Variants in ANKFN1 observed in about 807,000 individuals in gnomAD.
The protein encoded by ANKFN1 is ankyrin repeat and fibronectin type III domain containing 1.
ANKFN1 carries 74 observed loss-of-function variants against 108.7 expected under a neutral mutation model. The ratio of observed to expected loss-of-function variants is 0.68; its 90% CI spans 0.56 to 0.83. The LOEUF is 0.83. Among genes scored for constraint, ANKFN1 ranks in the 40% least tolerant of loss-of-function variants. ANKFN1 has a pLI of 0.00. For synonymous variants in ANKFN1, 547 were observed against 516.2 expected, an observed-to-expected ratio of 1.06 and a Z score of -0.81; for missense variants, 1,505 against 1,382.3, an observed-to-expected ratio of 1.09 and a Z score of -1.41.
chr17:56,170,801 TATATATACACAC>T (rs1452119824), intron 1 of ANKFN1, among the ~76,000 whole-genome samples: 2 of 64,206 alleles, frequency 3.1e-5, no homozygotes, highest in Non-Finnish European at 7.0e-5. Context: ...TATATATATA[TATATATACACAC>T]ACACACACAC....
intron 8 of ANKFN1, among the ~76,000 whole-genome samples, chr17:56,429,909 G>A (rs536681083): frequency 1.3e-5 from 2 of 152,314 alleles, no homozygotes; most frequent in African/African-American, 4.8e-5. Context: ...AGTTGAAAAT[G>A]CATGCACGTA....
chr17:56,215,195 A>G (rs1404299223), intron 2 of ANKFN1, among the ~76,000 whole-genome samples: 1 of 152,172 alleles, frequency 6.6e-6, no homozygotes, highest in African/African-American at 2.4e-5. Context: ...CTGACTGGGG[A>G]TGATCCTGGA....
rs1200334371 is a variant in ANKFN1 at position 56,513,109 on chromosome 17, C to CA, written c.*1841dup. ...AGAGGTTAAGTAACATGCTCAAGGT[C>CA]ACGGAGCTGGTTTAGTCTCAGAGTT... is the stretch of plus-strand genomic sequence containing the variant. On this transcript the variant is annotated 3_prime_UTR_variant, in exon 21 of 21. Coordinates refer to ENST00000682825, the MANE Select transcript of ANKFN1 (RefSeq NM_001370326.1). 1.3e-5 allele frequency among the ~76,000 whole-genome samples: 2 copies of CA among 152,192 alleles called. No individual in the cohort carries two copies. Among genetic ancestry groups the CA allele is most frequent in the Non-Finnish European group, 2.9e-5 (2 of 68,040 alleles).
intron 3 of ANKFN1, among the ~76,000 whole-genome samples, chr17:56,279,134 C>T (rs994664056): frequency 5.9e-5 from 9 of 152,164 alleles, no homozygotes; most frequent in African/African-American, 2.2e-4. Context: ...AGTGTAGCCT[C>T]TGCCTTTGAG....
At chr17:56,284,857 T>G (rs1423272725) in intron 3 of ANKFN1, among the ~76,000 whole-genome samples, 1 of 152,124 alleles carries the variant, frequency 6.6e-6, no homozygotes, top group Non-Finnish European at 1.5e-5. Flanking sequence ...ATTAGTTCAT[T>G]GAGCACAGCC....
intron 1 of ANKFN1, among the ~76,000 whole-genome samples, chr17:56,172,994 A>AGAGGGCAGGCT (rs1444563755): frequency 6.6e-6 from 1 of 152,248 alleles, no homozygotes; most frequent in Non-Finnish European, 1.5e-5. Context: ...ACAAGGTCCT[A>AGAGGGCAGGCT]GAGGGCAGGC....
At chr17:56,476,062 C>A (rs771705384) in intron 15 of ANKFN1, among the ~76,000 whole-genome samples, 4 of 152,178 alleles carry the variant, frequency 2.6e-5, no homozygotes, top group Non-Finnish European at 5.9e-5. Flanking sequence ...AAGTGCCACA[C>A]ACTTTTAAAC....
chr17:56,479,770 C>T (rs1306389444), intron 16 of ANKFN1, among the ~76,000 whole-genome samples: 1 of 152,210 alleles, frequency 6.6e-6, no homozygotes, highest in African/African-American at 2.4e-5. Flanking sequence ...CCTCTCTTTC[C>T]ATCCCCTGAG....
At chr17:56,101,381 A>G (rs780646921) in intron 4 of ANKFN1, among the ~76,000 whole-genome samples, 2 of 152,190 alleles carry the variant, frequency 1.3e-5, no homozygotes, top group Non-Finnish European at 2.9e-5. Context: ...CATACTGCCA[A>G]ACTTCCCTCC....
intron 8 of ANKFN1, among the ~76,000 whole-genome samples, chr17:56,418,091 A>G (rs1179356139): frequency 1.3e-5 from 2 of 152,230 alleles, no homozygotes; most frequent in Admixed American, 6.5e-5. Flanking sequence ...TTTTAAGTAC[A>G]TTTATTTGAT....
chr17:56,383,545 G>A (rs1156692836), intron 8 of ANKFN1, among the ~76,000 whole-genome samples: 4 of 152,108 alleles, frequency 2.6e-5, no homozygotes, highest in Non-Finnish European at 5.9e-5. Flanking sequence ...CCAGGAGCTG[G>A]TTTTTTGAAA....
intron 1 of ANKFN1, among the ~76,000 whole-genome samples, chr17:56,188,577 GTGTGTATATATATATATATATATATA>G (rs1912514930): frequency 2.5e-5 from 2 of 80,794 alleles, no homozygotes; most frequent in South Asian, 3.6e-4. Flanking sequence ...GTGTGTGTGT[GTGTGTATATATATATATATATATATA>G]TATATATATA....
At chr17:56,471,111 G>A (rs1489892805) in intron 15 of ANKFN1, 1 of 151,720 alleles carries the variant, frequency 6.6e-6, no homozygotes, top group African/African-American at 2.4e-5. Context: ...GAGTCGTTTT[G>A]TGTCCAGTTT....
chr17:56,125,532 A>G (rs1479928174), intron 4 of ANKFN1, among the ~76,000 whole-genome samples: 1 of 152,204 alleles, frequency 6.6e-6, no homozygotes, highest in Non-Finnish European at 1.5e-5. Context: ...ACTAAAAGGT[A>G]TTGTGTGCTT....
intron 3 of ANKFN1, among the ~76,000 whole-genome samples, chr17:56,304,542 A>G (rs900971186): frequency 6.6e-6 from 1 of 152,202 alleles, no homozygotes. Flanking sequence ...TGTTAATTAC[A>G]TGCTTAGTTT....
rs187630572 is a variant in ANKFN1, at chr17:56,401,892, T to C, written c.910+27178T>C. On this transcript the variant is annotated intron_variant, in intron 8 of 20. Transcript: ENST00000682825. ...TTGTATGCCAATTTTGCTGAGAGTT[T>C]TAATCATAAAGCAATGCTGGATTTT... is the stretch of plus-strand genomic sequence containing the variant. Among the ~76,000 whole-genome samples, 599 of 152,324 alleles carry C rather than the reference T, an allele frequency of 3.9e-3. 3 individuals are homozygous for C. The highest frequency in any genetic ancestry group is 6.8e-3 in the Middle Eastern group (2 of 294).
intron 6 of ANKFN1, among the ~76,000 whole-genome samples, chr17:56,362,158 C>T (rs539580091): frequency 6.6e-6 from 1 of 152,192 alleles, no homozygotes; most frequent in South Asian, 2.1e-4. Flanking sequence ...CATTACCTGG[C>T]CAATTGTAAT....
At chr17:56,328,361 A>T (rs2045577814) in intron 4 of ANKFN1, among the ~76,000 whole-genome samples, 2 of 152,208 alleles carry the variant, frequency 1.3e-5, no homozygotes, top group Non-Finnish European at 2.9e-5. Context: ...ATCTCTTAGT[A>T]TTAGGGCACC....
intron 6 of ANKFN1, among the ~76,000 whole-genome samples, chr17:56,362,517 T>C (rs902750502): frequency 3.3e-5 from 5 of 152,212 alleles, no homozygotes; most frequent in African/African-American, 1.2e-4. Flanking sequence ...GTCTCTTCAA[T>C]ATACGGTGTT....
Sources: allele counts gnomAD v4.1 joint callset (sites outside exome capture counted in the v4.1 genomes callset), GRCh38; gene constraint gnomAD v4.1.1; transcripts MANE v1.5; gene names NCBI Gene and HGNC (gene_info 2026-07-23, HGNC 2026-07-21).